The following EPHB1 variants were observed in gnomAD, a reference collection of about 807,000 sequenced individuals.
EPHB1 encodes EPH receptor B1, also known as ephrin type-B receptor 1.
In EPHB1, 30 loss-of-function variants were observed where a neutral mutation model predicts 94.4. That is an observed-to-expected ratio of 0.32 (90% CI 0.24 to 0.43). The LOEUF is 0.43. EPHB1 is among the 20% of genes least tolerant of loss of function. The pLI, the probability that EPHB1 is intolerant of heterozygous loss-of-function variation, is 1.00. For missense variants in EPHB1, 1,055 were observed against 1,308.3 expected (o/e 0.81, Z 2.99); for synonymous variants, 522 against 489.1 (o/e 1.07, Z -0.89).
intron 1 of EPHB1, among the ~76,000 whole-genome samples, chr3:134,906,413 G>A (rs10512935): frequency 0.15 from 22,910 of 152,174 alleles, 2,015 homozygotes; most frequent in Middle Eastern, 0.26. Context: ...TTTTGTGGAC[G>A]TTTATAGGTA....
chr3:135,127,811 G>A (rs1224721656), intron 4 of EPHB1, among the ~76,000 whole-genome samples: 1 of 152,076 alleles, frequency 6.6e-6, no homozygotes, highest in Non-Finnish European at 1.5e-5. Flanking sequence ...CTGGCCCTGT[G>A]GGTCTAGAAG....
At chr3:134,998,058 A>G (rs1026747874) in intron 3 of EPHB1, among the ~76,000 whole-genome samples, 4 of 151,700 alleles carry the variant, frequency 2.6e-5, no homozygotes, top group Non-Finnish European at 5.9e-5. Context: ...TCTTAGTTCA[A>G]TTTCTCATAC....
At chr3:134,895,893 T>C (rs1358005062) in intron 1 of EPHB1, among the ~76,000 whole-genome samples, 1 of 152,164 alleles carries the variant, frequency 6.6e-6, no homozygotes, top group Admixed American at 6.5e-5. Flanking sequence ...CCTCTACTTT[T>C]CCCTTTAGTT....
chr3:135,053,795 CA>C (rs1421043400), intron 3 of EPHB1, among the ~76,000 whole-genome samples: 1 of 151,982 alleles, frequency 6.6e-6, no homozygotes, highest in African/African-American at 2.4e-5. Flanking sequence ...GAGAACAGCC[CA>C]AGCAACATAG....
intron 1 of EPHB1, among the ~76,000 whole-genome samples, chr3:134,818,901 G>A (rs2036324813): frequency 6.6e-6 from 1 of 152,182 alleles, no homozygotes. Flanking sequence ...AGCCCTCCAA[G>A]CATCTGGCCC....
chr3:135,232,347 G>A (rs1442395494), intron 12 of EPHB1, among the ~76,000 whole-genome samples: 1 of 152,226 alleles, frequency 6.6e-6, no homozygotes, highest in African/African-American at 2.4e-5. Flanking sequence ...AGGAGCAGGG[G>A]TGTGCCACAT....
intron 12 of EPHB1, among the ~76,000 whole-genome samples, chr3:135,231,022 G>A (rs1159188961): frequency 3.3e-5 from 5 of 152,136 alleles, no homozygotes; most frequent in Admixed American, 6.5e-5. Context: ...ATAGCGAGGC[G>A]ATGAACATAG....
intron 3 of EPHB1, among the ~76,000 whole-genome samples, chr3:135,025,188 G>A (rs1359948138): frequency 3.3e-5 from 3 of 91,754 alleles, no homozygotes; most frequent in African/African-American, 7.0e-5. Context: ...TTTTCAAGAA[G>A]GTTACAAAGA....
At chr3:134,912,634 A>G (rs537100535) in intron 1 of EPHB1, among the ~76,000 whole-genome samples, 1 of 152,186 alleles carries the variant, frequency 6.6e-6, no homozygotes, top group Non-Finnish European at 1.5e-5. Flanking sequence ...AAGCCTGCCT[A>G]CAGGTCTGAT....
intron 3 of EPHB1, among the ~76,000 whole-genome samples, chr3:135,089,226 A>G (rs1056382957): frequency 3.9e-5 from 6 of 152,270 alleles, no homozygotes; most frequent in Admixed American, 3.3e-4. Context: ...CTCTGGAGTC[A>G]GCAGCCTGCA....
chr3:135,204,674 T>C (rs893859574), intron 12 of EPHB1, among the ~76,000 whole-genome samples: 3 of 151,692 alleles, frequency 2.0e-5, no homozygotes, highest in African/African-American at 7.3e-5. Flanking sequence ...CTAATTTTTT[T>C]TTTTTTTAAG....
At chr3:135,226,473 G>A (rs921479980) in intron 12 of EPHB1, among the ~76,000 whole-genome samples, 2 of 152,196 alleles carry the variant, frequency 1.3e-5, no homozygotes, top group Non-Finnish European at 2.9e-5. Context: ...TGTAGAATGG[G>A]GCAGGAGCCC....
At position 134,894,513 on chromosome 3, in the gene EPHB1, C is replaced by T. The variant is rs569872248; in HGVS notation, c.59-31303C>T. 4.6e-5 allele frequency among the ~76,000 whole-genome samples: 7 copies of T among 152,340 alleles called. No individual in the cohort carries two copies. In the East Asian group the frequency reaches 1.4e-3, roughly 29 times the overall value. On this transcript the variant is annotated intron_variant, in intron 1 of 15. Transcript: ENST00000398015. ...GTGTGCCCATTTCTTCTCTGAAAGC[C>T]TGTGTTCTCTGTATTGTCCTTCTCC...
At chr3:135,142,068 G>A (rs192082689) in intron 5 of EPHB1, among the ~76,000 whole-genome samples, 1 of 152,322 alleles carries the variant, frequency 6.6e-6, no homozygotes, top group African/African-American at 2.4e-5. Flanking sequence ...AATTTGTGGA[G>A]AGTTTGAGTA....
chr3:134,950,258 C>T (rs971850668), intron 2 of EPHB1, among the ~76,000 whole-genome samples: 8 of 152,140 alleles, frequency 5.3e-5, no homozygotes, highest in Admixed American at 3.3e-4. Context: ...ATTGTCTTTC[C>T]CTTAAGAAAG....
chr3:134,928,747 G>A (rs2038847129), intron 2 of EPHB1, among the ~76,000 whole-genome samples: 1 of 152,192 alleles, frequency 6.6e-6, no homozygotes, highest in African/African-American at 2.4e-5. Context: ...GTTTCCCAGG[G>A]GAGTGTCCAG....
intron 15 of EPHB1, among the ~76,000 whole-genome samples, chr3:135,256,164 CTT>C (rs1302046625): frequency 3.3e-5 from 5 of 151,812 alleles, no homozygotes; most frequent in African/African-American, 1.2e-4. Flanking sequence ...GGTCTTGACT[CTT>C]TATCCAATTT....
intron 4 of EPHB1, among the ~76,000 whole-genome samples, chr3:135,125,638 C>A (rs1005987675): frequency 6.6e-6 from 1 of 152,134 alleles, no homozygotes; most frequent in African/African-American, 2.4e-5. Context: ...TTTCAAATAA[C>A]CATTTATCAA....
At chr3:135,189,547 G>C (rs937573911) in intron 10 of EPHB1, among the ~76,000 whole-genome samples, 1 of 152,192 alleles carries the variant, frequency 6.6e-6, no homozygotes, top group African/African-American at 2.4e-5. Context: ...ACTTTGCACC[G>C]TGCTCTGCAA....
Sources: gnomAD v4.1 joint callset for allele counts (sites outside exome capture counted in the v4.1 genomes callset) on GRCh38, gnomAD v4.1.1 for gene constraint, MANE v1.5 for transcripts, NCBI Gene and HGNC (gene_info 2026-07-23, HGNC 2026-07-21) for gene names.